Variants in LRRN1 observed in about 807,000 individuals in gnomAD.
The protein encoded by LRRN1 is leucine-rich repeat neuronal protein 1.
In LRRN1, 14 loss-of-function variants were observed where a neutral mutation model predicts 45.8. That is an observed-to-expected ratio of 0.31 (90% CI 0.20 to 0.48). LRRN1 has a LOEUF of 0.48. Ranked by LOEUF, LRRN1 falls within the 20% of genes least tolerant of loss-of-function variation. The pLI is 0.99. For missense variants in LRRN1, 789 were observed against 874.2 expected (o/e 0.90, Z 1.23); for synonymous variants, 359 against 330.1 (o/e 1.09, Z -0.95).
chr3:3,812,268 T>C (rs1459461560), intron 1 of LRRN1, among the ~76,000 whole-genome samples: 2 of 152,144 alleles, frequency 1.3e-5, no homozygotes, highest in African/African-American at 4.8e-5. Flanking sequence ...CTGTGTTAAG[T>C]CCAGTGAAGA....
At chr3:3,840,604 C>A (rs2106469402) in intron 1 of LRRN1, among the ~76,000 whole-genome samples, 1 of 152,196 alleles carries the variant, frequency 6.6e-6, no homozygotes, top group Non-Finnish European at 1.5e-5. Context: ...TAAACATCTC[C>A]TTTTTTATTA....
At chr3:3,835,237 C>A (rs1382423296) in intron 1 of LRRN1, among the ~76,000 whole-genome samples, 1 of 152,114 alleles carries the variant, frequency 6.6e-6, no homozygotes, top group African/African-American at 2.4e-5. Context: ...ACATCATAGC[C>A]TACCTTGAAT....
At chr3:3,802,100 G>C (rs1423189304) in intron 1 of LRRN1, among the ~76,000 whole-genome samples, 2 of 152,192 alleles carry the variant, frequency 1.3e-5, no homozygotes, top group African/African-American at 4.8e-5. Context: ...AACTGCAGGT[G>C]ATGCAACTGT....
Position 3,836,079 on chromosome 3 carries a change from G to A in LRRN1, c.-278-8285G>A, listed in dbSNP as rs1486260106. 7.6e-5 allele frequency among the ~76,000 whole-genome samples: 6 copies of A among 78,818 alleles called. No homozygotes were observed. The Admixed American group carries it at 9.8e-4, about 13-fold the overall frequency. 51.7% of individuals were successfully genotyped at this position (78,818 alleles called of 152,430 possible). ...TCTAGTCAGTCAGCCCTAGAAGAAA[G>A]CAATTTCACTTAAAAAAAAAAATCT... On this transcript the variant is annotated intron_variant, in intron 1 of 1. Transcript: ENST00000319331.
chr3:3,806,154 T>C (rs1017906), intron 1 of LRRN1, among the ~76,000 whole-genome samples: 36,834 of 152,036 alleles, frequency 0.24, 7,060 homozygotes, highest in East Asian at 0.56. Flanking sequence ...CTAAAATGCA[T>C]AGCACAGGAA....
chr3:3,827,947 C>G (rs1408653649), intron 1 of LRRN1, among the ~76,000 whole-genome samples: 1 of 151,976 alleles, frequency 6.6e-6, no homozygotes, highest in Non-Finnish European at 1.5e-5. Context: ...GATAATAACT[C>G]TTTACCAAGT....
At chr3:3,838,105 C>T (rs1399255995) in intron 1 of LRRN1, among the ~76,000 whole-genome samples, 1 of 152,108 alleles carries the variant, frequency 6.6e-6, no homozygotes, top group Non-Finnish European at 1.5e-5. Flanking sequence ...CACCCATCTA[C>T]AACCATCTGA....
chr3:3,843,180 C>A (rs1476189055), intron 1 of LRRN1, among the ~76,000 whole-genome samples: 1 of 152,186 alleles, frequency 6.6e-6, no homozygotes, highest in East Asian at 1.9e-4. Context: ...TGAGCAACCC[C>A]ATTTTATAGC....
chr3:3,813,955 T>A (rs1370702942), intron 1 of LRRN1, among the ~76,000 whole-genome samples: 1 of 152,020 alleles, frequency 6.6e-6, no homozygotes, highest in Non-Finnish European at 1.5e-5. Context: ...TTTTGAGAAC[T>A]GCTATCATCC....
At chr3:3,834,370 A>G (rs1693439122) in intron 1 of LRRN1, among the ~76,000 whole-genome samples, 1 of 151,030 alleles carries the variant, frequency 6.6e-6, no homozygotes, top group Admixed American at 6.6e-5. Context: ...TATTAGAAGT[A>G]CAGTCCTTAG....
At chr3:3,811,483 G>T (rs959099028) in intron 1 of LRRN1, among the ~76,000 whole-genome samples, 1 of 152,164 alleles carries the variant, frequency 6.6e-6, no homozygotes, top group African/African-American at 2.4e-5. Flanking sequence ...GAGGAAAGGG[G>T]CTTCCGTATC....
At chr3:3,834,525 G>GATATATATATATATGTATATATAT (rs1553563058) in intron 1 of LRRN1, among the ~76,000 whole-genome samples, 1 of 27,310 alleles carries the variant, frequency 3.7e-5, no homozygotes, top group African/African-American at 8.6e-5. Context: ...GACAGAACAG[G>GATATATATATATATGTATATATAT]ATATATATAT....
At chr3:3,820,014 A>C (rs1309079765) in intron 1 of LRRN1, among the ~76,000 whole-genome samples, 1 of 152,024 alleles carries the variant, frequency 6.6e-6, no homozygotes, top group Non-Finnish European at 1.5e-5. Flanking sequence ...CGTATTCTAA[A>C]GAGCTGCCTT....
chr3:3,844,449 A>T lies in LRRN1; in HGVS notation c.-193A>T, dbSNP rs1693710884. ...TGGAATTGAGAGACACAGTTAAAAG[A>T]CTCCAAGTTGCTTTCTGCCTTTTGA... On this transcript the variant is annotated 5_prime_UTR_variant, in exon 2 of 2. Transcript: ENST00000319331. 2 of 559,120 alleles carry T rather than the reference A, an allele frequency of 3.6e-6. No individual in the cohort carries two copies. Among genetic ancestry groups the T allele is most frequent in the Admixed American group, 3.4e-5 (1 of 29,478 alleles). 34.6% of individuals were successfully genotyped at this position (559,120 alleles called of 1,614,324 possible). A position where few individuals can be genotyped will look rare whatever the true frequency, so the allele number is the denominator to read the frequency against.
Position 3,799,472 on chromosome 3 carries a change from G to A in LRRN1, c.-726G>A, listed in dbSNP as rs1460690477. ...GCACCGCGGGCGCCGGCAACGAGCCGGTGAACGAGGCGAGGCCCGTGCGCC... is the reference window on the plus strand; with the variant it reads ...GCACCGCGGGCGCCGGCAACGAGCCAGTGAACGAGGCGAGGCCCGTGCGCC... On this transcript the variant is annotated 5_prime_UTR_variant, in exon 1 of 2. Coordinates refer to ENST00000319331, the MANE Select transcript of LRRN1 (RefSeq NM_020873.7). 2 of 151,188 alleles carry A rather than the reference G, an allele frequency of 1.3e-5. No homozygotes were observed. Among genetic ancestry groups the A allele is most frequent in the Non-Finnish European group, 2.9e-5 (2 of 67,992 alleles). The allele number at this position is 151,188 out of a possible 1,614,324, so 9.4% of individuals were successfully genotyped here.
At chr3:3,820,731 T>C (rs973682458) in intron 1 of LRRN1, among the ~76,000 whole-genome samples, 6 of 152,214 alleles carry the variant, frequency 3.9e-5, no homozygotes, top group Non-Finnish European at 8.8e-5. Context: ...AAATATACTT[T>C]GTGATGTACT....
rs1405350131 is a variant in LRRN1, at chr3:3,845,313, A to C, written c.672A>C (p.Gly224=). ...ATTTGAGAAGCTTAGTTTTGGCAGG[A>C]ATGTATCTCACTGATATTCCTGGAA... The part of the protein sequence containing the change: ...LANLRSLVLA[G]MYLTDIPGNA... Residue 224 remains glycine (G), a synonymous_variant, in exon 2 of 2, where the codon GGA becomes GGC. Coordinates refer to ENST00000319331, the MANE Select transcript of LRRN1 (RefSeq NM_020873.7). This position sits in a 1 kb window ranked among gnomAD's most constrained non-coding sequence, Gnocchi z 6.5. 1.2e-6 allele frequency: 2 copies of C among 1,613,966 alleles called. No individual in the cohort carries two copies. The highest frequency in any genetic ancestry group is 2.2e-5 in the East Asian group (1 of 44,890).
intron 1 of LRRN1, among the ~76,000 whole-genome samples, chr3:3,803,616 G>A (rs567043425): frequency 6.6e-6 from 1 of 152,158 alleles, no homozygotes; most frequent in African/African-American, 2.4e-5. Context: ...ATGTTTCTGG[G>A]AACAATGAAA....
chr3:3,822,553 C>T (rs1316350934), intron 1 of LRRN1, among the ~76,000 whole-genome samples: 1 of 152,034 alleles, frequency 6.6e-6, no homozygotes, highest in Non-Finnish European at 1.5e-5. Flanking sequence ...CACTTCTTTC[C>T]AGACAATTAA....
Sources: allele counts gnomAD v4.1 joint callset (sites outside exome capture counted in the v4.1 genomes callset), GRCh38; gene constraint gnomAD v4.1.1; non-coding constraint Gnocchi (gnomAD v3.1); transcripts MANE v1.5; gene names NCBI Gene and HGNC (gene_info 2026-07-23, HGNC 2026-07-21).